STMN2: variants seen among roughly 807,000 people sequenced by gnomAD.
STMN2 encodes the protein stathmin 2.
A neutral mutation model predicts 24.1 loss-of-function variants in STMN2; 2 were observed. The observed-to-expected ratio is 0.08, with a 90% confidence interval of 0.03 to 0.26. STMN2 has a LOEUF of 0.26. Among genes scored for constraint, STMN2 ranks in the 10% least tolerant of loss-of-function variants. STMN2 has a pLI of 1.00. For missense variants in STMN2, 114 were observed against 213.6 expected, an observed-to-expected ratio of 0.53 and a Z score of 2.91; for synonymous variants, 83 against 77.5, an observed-to-expected ratio of 1.07 and a Z score of -0.37.
chr8:79,616,104 G>A (rs576932566), intron 1 of STMN2, among the ~76,000 whole-genome samples: 1 of 152,180 alleles, frequency 6.6e-6, no homozygotes, highest in Non-Finnish European at 1.5e-5. Context: ...GCAGCTTAGC[G>A]AGTAAAACAG....
intron 4 of STMN2, 109 bp downstream of exon 4, chr8:79,655,171 G>A (rs1418395191): frequency 1.7e-5 from 22 of 1,270,788 alleles, no homozygotes; most frequent in South Asian, 4.4e-5. Flanking sequence ...CTGCAGGTGT[G>A]AGGACAACTA....
At chr8:79,619,627 C>T (rs1809464841) in intron 1 of STMN2, among the ~76,000 whole-genome samples, 1 of 152,134 alleles carries the variant, frequency 6.6e-6, no homozygotes, top group South Asian at 2.1e-4. Flanking sequence ...TTAGGATAGA[C>T]TTATTGCAGC....
chr8:79,657,660 C>G (rs983839253), intron 4 of STMN2, among the ~76,000 whole-genome samples: 1 of 152,170 alleles, frequency 6.6e-6, no homozygotes, highest in Non-Finnish European at 1.5e-5. Flanking sequence ...TAATGAGGTG[C>G]TTTTCAAATC....
chr8:79,656,819 A>G (rs1435448941), intron 4 of STMN2, among the ~76,000 whole-genome samples: 1 of 152,070 alleles, frequency 6.6e-6, no homozygotes, highest in Non-Finnish European at 1.5e-5. Context: ...GCAGTCCTGG[A>G]GCATTTTTGT....
intron 1 of STMN2, among the ~76,000 whole-genome samples, chr8:79,633,075 G>A (rs1809852553): frequency 6.6e-6 from 1 of 151,870 alleles, no homozygotes; most frequent in Non-Finnish European, 1.5e-5. Flanking sequence ...ATTCATTTGT[G>A]TCTTAAGTTT....
At chr8:79,636,704 A>C (rs945442960) in intron 1 of STMN2, 98 bp from the exon 2 acceptor site, 35 of 1,088,944 alleles carry the variant, frequency 3.2e-5, no homozygotes, top group Non-Finnish European at 4.4e-5. Context: ...GGCAATATTC[A>C]CTCTGCAGGA....
intron 1 of STMN2, among the ~76,000 whole-genome samples, chr8:79,628,114 AC>A (rs1321711769): frequency 6.6e-6 from 1 of 151,778 alleles, no homozygotes; most frequent in Non-Finnish European, 1.5e-5. Context: ...TGGGATATAT[AC>A]CCAGTAGTGG....
intron 1 of STMN2, among the ~76,000 whole-genome samples, chr8:79,612,541 C>T (rs980317921): frequency 6.6e-6 from 1 of 152,174 alleles, no homozygotes; most frequent in Non-Finnish European, 1.5e-5. Flanking sequence ...CTCAGAGAGA[C>T]AAGACAGTGG....
chr8:79,614,322 GATTGTAAGAGGTGCATATAAT>G (rs1809331605), intron 1 of STMN2, among the ~76,000 whole-genome samples: 1 of 152,222 alleles, frequency 6.6e-6, no homozygotes, highest in South Asian at 2.1e-4. Flanking sequence ...TATTCAGCAT[GATTGTAAGAGGTGCATATAAT>G]ATTCCCCATT....
intron 4 of STMN2, 32 bp downstream of exon 4, chr8:79,655,094 A>G (rs370467503): frequency 1.9e-6 from 3 of 1,609,012 alleles, no homozygotes; most frequent in Non-Finnish European, 2.5e-6. Context: ...GCAGATGGAT[A>G]TATTCATATG....
chr8:79,622,255 T>A lies in STMN2; in HGVS notation c.19+11041T>A, dbSNP rs531997980. Among the ~76,000 whole-genome samples, 3 of 152,336 alleles carry A rather than the reference T, an allele frequency of 2.0e-5. No homozygotes were observed. In the East Asian group the frequency reaches 5.8e-4, roughly 29 times the overall value. On this transcript the variant is annotated intron_variant, in intron 1 of 4. Coordinates refer to ENST00000220876, the MANE Select transcript of STMN2 (RefSeq NM_007029.4). ...GAAAACAATACCTAAATCACATGGT[T>A]GTTAAGTAAGCAATTGATTGTTAAG...
chr8:79,622,053 C>G (rs1809526636), intron 1 of STMN2, among the ~76,000 whole-genome samples: 1 of 152,162 alleles, frequency 6.6e-6, no homozygotes, highest in Non-Finnish European at 1.5e-5. Flanking sequence ...CAAGTTACCC[C>G]AAAAGTCCTT....
In STMN2 at chr8:79,628,440, C is replaced by A. The variant is rs1391998278; in HGVS notation, c.20-8362C>A. ...TGCTGCGATTACAGGTGTGAGCCAC[C>A]ACGCCTGGCCTAGTAGTTCTGTTTT... On this transcript the variant is annotated intron_variant, in intron 1 of 4. Coordinates refer to ENST00000220876, the MANE Select transcript of STMN2 (RefSeq NM_007029.4). 2.0e-5 allele frequency among the ~76,000 whole-genome samples: 3 copies of A among 152,224 alleles called. No homozygotes were observed. In the East Asian group the frequency reaches 5.8e-4, roughly 29 times the overall value.
intron 4 of STMN2, among the ~76,000 whole-genome samples, chr8:79,664,102 A>C (rs1360617591): frequency 1.3e-5 from 2 of 152,232 alleles, no homozygotes; most frequent in South Asian, 2.1e-4. Flanking sequence ...GAATAAAAGG[A>C]AAGATTTATG....
At chr8:79,613,195 T>C (rs1044185463) in intron 1 of STMN2, among the ~76,000 whole-genome samples, 1 of 148,078 alleles carries the variant, frequency 6.8e-6, no homozygotes, top group Admixed American at 6.7e-5. Flanking sequence ...TTTTCCAGAA[T>C]GGAGACCCCG....
intron 1 of STMN2, among the ~76,000 whole-genome samples, chr8:79,636,097 G>T (rs1035931933): frequency 2.0e-5 from 3 of 151,956 alleles, no homozygotes; most frequent in Admixed American, 2.0e-4. Context: ...CGCACCTGTA[G>T]TCCCAGCTAA....
chr8:79,624,453 C>CAAAAAAAAAAAAAAAAAAA (rs1011493193), intron 1 of STMN2, among the ~76,000 whole-genome samples: 3 of 45,132 alleles, frequency 6.6e-5, no homozygotes, highest in South Asian at 1.0e-3. Context: ...GACTCCGTCT[C>CAAAAAAAAAAAAAAAAAAA]AAAAAAAAAA....
At chr8:79,625,921 TG>T (rs1430313979) in intron 1 of STMN2, among the ~76,000 whole-genome samples, 1 of 152,168 alleles carries the variant, frequency 6.6e-6, no homozygotes, top group East Asian at 1.9e-4. Context: ...ATCATGCCAC[TG>T]CACTCCAGCC....
chr8:79,643,141 G>GTA (rs1585898260), intron 3 of STMN2, among the ~76,000 whole-genome samples: 1 of 97,208 alleles, frequency 1.0e-5, no homozygotes, highest in East Asian at 3.9e-4. Context: ...GTGTGTGTAT[G>GTA]TGTGTGTGTA....
Sources: gnomAD v4.1 joint callset for allele counts (sites outside exome capture counted in the v4.1 genomes callset) on GRCh38, gnomAD v4.1.1 for gene constraint, MANE v1.5 for transcripts, NCBI Gene and HGNC (gene_info 2026-07-23, HGNC 2026-07-21) for gene names.